The following NKAIN2 variants were observed in gnomAD, a reference collection of about 807,000 sequenced individuals.
NKAIN2 encodes sodium/potassium-transporting ATPase subunit beta-1-interacting protein 2.
NKAIN2 carries 14 observed loss-of-function variants against 32.6 expected under a neutral mutation model. The ratio of observed to expected loss-of-function variants is 0.43; its 90% CI spans 0.28 to 0.67. The LOEUF (loss-of-function observed/expected upper bound fraction) is 0.67. Among genes scored for constraint, NKAIN2 ranks in the 30% least tolerant of loss-of-function variants. The probability of loss-of-function intolerance (pLI) is 0.17; values close to 1 mark genes in which losing one functional copy is unlikely to be tolerated. For missense variants in NKAIN2, 198 were observed against 258.3 expected (o/e 0.77, Z 1.60); for synonymous variants, 80 against 87.2 (o/e 0.92, Z 0.46).
At chr6:123,830,142 A>G (rs1224769597) in intron 1 of NKAIN2, among the ~76,000 whole-genome samples, 5 of 152,046 alleles carry the variant, frequency 3.3e-5, no homozygotes, top group African/African-American at 1.2e-4. Context: ...CTAAAAATTT[A>G]TTGGCTGGGT....
chr6:124,333,233 A>G (rs989239463), intron 2 of NKAIN2, among the ~76,000 whole-genome samples: 2 of 152,180 alleles, frequency 1.3e-5, no homozygotes. Flanking sequence ...AAAAACCTCA[A>G]TATTAACATA....
intron 1 of NKAIN2, among the ~76,000 whole-genome samples, chr6:123,828,313 G>A (rs988576126): frequency 5.9e-5 from 9 of 152,066 alleles, no homozygotes; most frequent in Non-Finnish European, 7.4e-5. Context: ...GGTTAACCTC[G>A]AGGACTGCTG....
chr6:123,879,999 G>C (rs369568494), intron 1 of NKAIN2, among the ~76,000 whole-genome samples: 2 of 152,210 alleles, frequency 1.3e-5, no homozygotes, highest in Non-Finnish European at 2.9e-5. Flanking sequence ...TCTTCAGATG[G>C]ATAGAGCAAA....
At chr6:123,956,253 A>G (rs1278763601) in intron 1 of NKAIN2, among the ~76,000 whole-genome samples, 2 of 152,208 alleles carry the variant, frequency 1.3e-5, no homozygotes, top group East Asian at 3.8e-4. Context: ...GTTCTGAAAG[A>G]TCTGCATTAT....
intron 1 of NKAIN2, among the ~76,000 whole-genome samples, chr6:123,863,179 G>T (rs1775853731): frequency 6.6e-6 from 1 of 152,292 alleles, no homozygotes; most frequent in Non-Finnish European, 1.5e-5. Flanking sequence ...CATTTATGTT[G>T]AAAGAGCTTT....
intron 4 of NKAIN2, among the ~76,000 whole-genome samples, chr6:124,710,647 T>G (rs1775394201): frequency 6.6e-6 from 1 of 151,192 alleles, no homozygotes; most frequent in Non-Finnish European, 1.5e-5. Context: ...AAACTAGGAT[T>G]GCAACCCCTG....
chr6:123,825,591 A>T (rs1401384780), intron 1 of NKAIN2, among the ~76,000 whole-genome samples: 1 of 152,140 alleles, frequency 6.6e-6, no homozygotes, highest in African/African-American at 2.4e-5. Flanking sequence ...TAAAAGGATC[A>T]TTAGAGTATT....
intron 1 of NKAIN2, among the ~76,000 whole-genome samples, chr6:124,035,157 AG>A (rs1426779242): frequency 6.6e-6 from 1 of 152,136 alleles, no homozygotes; most frequent in Non-Finnish European, 1.5e-5. Flanking sequence ...AGAGATGCTA[AG>A]GAATCCTAAA....
At chr6:123,980,644 A>G (rs1016248979) in intron 1 of NKAIN2, among the ~76,000 whole-genome samples, 5 of 152,196 alleles carry the variant, frequency 3.3e-5, no homozygotes, top group Admixed American at 1.3e-4. Flanking sequence ...TAACTTCCAA[A>G]CAAGATTTGA....
At chr6:124,263,589 G>A (rs1290530077) in intron 1 of NKAIN2, among the ~76,000 whole-genome samples, 2 of 151,994 alleles carry the variant, frequency 1.3e-5, no homozygotes, top group Admixed American at 6.6e-5. Flanking sequence ...TATCTTGTCA[G>A]AAGAAAAAAA....
intron 1 of NKAIN2, among the ~76,000 whole-genome samples, chr6:124,194,679 C>T (rs187883363): frequency 3.6e-4 from 54 of 151,994 alleles, no homozygotes; most frequent in African/African-American, 8.0e-4. Flanking sequence ...CCATAGTACA[C>T]GATGCTATAT....
chr6:124,235,682 T>G (rs1792713759), intron 1 of NKAIN2, among the ~76,000 whole-genome samples: 1 of 151,378 alleles, frequency 6.6e-6, no homozygotes, highest in African/African-American at 2.4e-5. Context: ...CACTGCAACC[T>G]CTGCCTCCCA....
intron 3 of NKAIN2, among the ~76,000 whole-genome samples, chr6:124,532,729 C>T (rs927250951): frequency 6.6e-6 from 1 of 152,200 alleles, no homozygotes; most frequent in Non-Finnish European, 1.5e-5. Context: ...TGCAGCCAAA[C>T]CTTTCCTGTA....
intron 1 of NKAIN2, among the ~76,000 whole-genome samples, chr6:124,158,954 G>C (rs1788132427): frequency 6.6e-6 from 1 of 152,110 alleles, no homozygotes; most frequent in South Asian, 2.1e-4. Context: ...ACATCAGCTT[G>C]CTCATCGATG....
intron 2 of NKAIN2, among the ~76,000 whole-genome samples, chr6:124,345,798 T>G (rs1318992971): frequency 6.6e-6 from 1 of 152,178 alleles, no homozygotes; most frequent in Non-Finnish European, 1.5e-5. Flanking sequence ...CCTGGATTCA[T>G]TAATTTTTTG....
At chr6:123,929,686 T>C (rs1776166651) in intron 1 of NKAIN2, among the ~76,000 whole-genome samples, 1 of 152,098 alleles carries the variant, frequency 6.6e-6, no homozygotes. Context: ...CTCACCATAA[T>C]ACGTAGAGCA....
At chr6:124,626,522 A>G (rs1783352564) in intron 3 of NKAIN2, among the ~76,000 whole-genome samples, 1 of 152,088 alleles carries the variant, frequency 6.6e-6, no homozygotes, top group Non-Finnish European at 1.5e-5. Context: ...TATTTAGTAC[A>G]CATTTAAGGA....
Position 124,586,081 on chromosome 6 carries a change from G to A in NKAIN2, c.274-72105G>A, listed in dbSNP as rs192689499. Among the ~76,000 whole-genome samples the A allele has an allele frequency of 1.4e-4, 22 of 151,908 alleles. No homozygotes were observed. In the East Asian group the frequency reaches 2.7e-3, roughly 19 times the overall value. The stretch of plus-strand genomic sequence containing the variant: ...AGTCAATAGATAGAAGATTTCCATC[G>A]CCTGCCCCAAAATTCCCCTGTATCT... On this transcript the variant is annotated intron_variant, in intron 3 of 6. Coordinates refer to ENST00000368417, the MANE Select transcript of NKAIN2 (RefSeq NM_001040214.3).
chr6:124,414,280 A>T (rs1045148679), intron 3 of NKAIN2, among the ~76,000 whole-genome samples: 12 of 152,160 alleles, frequency 7.9e-5, no homozygotes, highest in African/African-American at 2.7e-4. Context: ...TTCTTCACTT[A>T]TTAAGATGAT....
Sources: allele counts gnomAD v4.1 joint callset (sites outside exome capture counted in the v4.1 genomes callset), GRCh38; gene constraint gnomAD v4.1.1; transcripts MANE v1.5; gene names NCBI Gene and HGNC (gene_info 2026-07-23, HGNC 2026-07-21).